CEP126: variants seen among roughly 807,000 people sequenced by gnomAD.
CEP126 encodes the protein centrosomal protein 126.
CEP126 carries 74 observed loss-of-function variants against 107.8 expected under a neutral mutation model. The observed-to-expected ratio is 0.69, with a 90% CI of 0.57 to 0.83. The LOEUF (loss-of-function observed/expected upper bound fraction) is 0.83. CEP126 is among the 40% of genes least tolerant of loss of function. CEP126 has a pLI of 0.00. For missense variants in CEP126, 1,237 were observed against 1,281.9 expected (o/e 0.96, Z 0.53); for synonymous variants, 449 against 446.0 (o/e 1.01, Z -0.08).
At position 101,987,030 on chromosome 11, in the gene CEP126, A is replaced by T; in HGVS notation, c.3233A>T (p.Glu1078Val). 2 of 1,590,306 alleles carry T rather than the reference A, an allele frequency of 1.3e-6. No homozygotes were observed. The highest frequency in any genetic ancestry group is 1.7e-6 in the Non-Finnish European group (2 of 1,159,078). The stretch of plus-strand genomic sequence containing the variant: ...CTAGAGTCCCTTAATGATCTCAGTG[A>T]AAGACTACATTGTAAGTATGGAAGA... The part of the protein sequence containing the change: ...KILESLNDLS[E>V]RLHYIQESIC... The change falls in exon 9 of 11, where the codon GAA (glutamate) becomes GTA (valine). Residue 1078 changes from glutamate (E) to valine (V), a missense_variant. Glu to Val is a moderately radical substitution (Grantham distance 121). Around this residue, in one of 3 missense-constraint regions of CEP126, gnomAD observed 99 missense variants for 114.4 expected, o/e 0.87. Coordinates refer to ENST00000263468, the MANE Select transcript of CEP126 (RefSeq NM_020802.4).
chr11:101,982,037 G>C, intron 8 of CEP126, 73 bp downstream of exon 8: 2 of 771,666 alleles, frequency 2.6e-6, no homozygotes, highest in Non-Finnish European at 4.4e-6. Context: ...CCTATTCTCA[G>C]ATGCTAACGT....
At chr11:101,919,910 C>G (rs967306772) in intron 1 of CEP126, among the ~76,000 whole-genome samples, 1 of 152,130 alleles carries the variant, frequency 6.6e-6, no homozygotes. Flanking sequence ...TCTTTACTGC[C>G]GAGTTGTCAC....
Position 102,000,707 on chromosome 11 carries a change from AAGAG to A in CEP126, c.*3070_*3073del, listed in dbSNP as rs1368057308. 1.3e-5 allele frequency: 2 copies of A among 152,138 alleles called. No individual in the cohort carries two copies. The highest frequency in any genetic ancestry group is 2.1e-4 in the South Asian group (1 of 4,824). 9.4% of individuals were successfully genotyped at this position (152,138 alleles called of 1,614,324 possible). A position where few individuals can be genotyped will look rare whatever the true frequency, so the allele number is the denominator to read the frequency against. ...ACTCTGTCTTAAAAGAAAAAAAAAA[AAGAG>A]AGAGATAGTAATCTCTTGGGCAAAA... On this transcript the variant is annotated 3_prime_UTR_variant, in exon 11 of 11. Coordinates refer to ENST00000263468, the MANE Select transcript of CEP126 (RefSeq NM_020802.4).
rs1345500623 is a variant in CEP126, at chr11:101,962,737, G to A, written c.1702G>A (p.Glu568Lys). Residue 568 changes from glutamate (E) to lysine (K), a missense_variant, in exon 6 of 11, where the codon GAG becomes AAG. Around this residue, in one of 3 missense-constraint regions of CEP126, gnomAD observed 1,134 missense variants for 1,150.5 expected, o/e 0.99. Coordinates refer to ENST00000263468, the MANE Select transcript of CEP126 (RefSeq NM_020802.4). Reference protein sequence around the residue: ...QHKKMKYNIHERNGVRFLKSI... With the variant: ...QHKKMKYNIHKRNGVRFLKSI... ...TAAGAAAATGAAATACAACATCCATGAGAGAAATGGTGTGAGATTTCTTAA... is the reference window on the plus strand; with the variant it reads ...TAAGAAAATGAAATACAACATCCATAAGAGAAATGGTGTGAGATTTCTTAA... 1 of 1,611,972 alleles carries A rather than the reference G, an allele frequency of 6.2e-7. No individual in the cohort carries two copies. Among genetic ancestry groups the A allele is most frequent in the Admixed American group, 1.7e-5 (1 of 59,710 alleles).
chr11:101,959,330 A>G (rs1940943336), intron 5 of CEP126, among the ~76,000 whole-genome samples: 1 of 151,716 alleles, frequency 6.6e-6, no homozygotes, highest in African/African-American at 2.4e-5. Context: ...TAATTTTTGT[A>G]CTTTTAGTAG....
In CEP126 at chr11:101,962,528, A is replaced by T; in HGVS notation, c.1493A>T (p.Lys498Ile). 6.2e-7 allele frequency: 1 copy of T among 1,613,006 alleles called. No individual in the cohort carries two copies. The highest frequency in any genetic ancestry group is 8.5e-7 in the Non-Finnish European group (1 of 1,179,556). Residue 498 changes from lysine to isoleucine, a missense_variant, in exon 6 of 11, where the codon AAA becomes ATA. Lys to Ile is a moderately radical substitution (Grantham distance 102). Transcript: ENST00000263468. ...VQCSDKLDEL[K>I]DGKEEEIKYF... ...TGTTCTGATAAGTTAGATGAATTGAAAGATGGTAAAGAAGAAGAGATAAAA... is the reference window on the plus strand; with the variant it reads ...TGTTCTGATAAGTTAGATGAATTGATAGATGGTAAAGAAGAAGAGATAAAA...
At chr11:101,991,122 AG>A (rs1307212692) in intron 9 of CEP126, among the ~76,000 whole-genome samples, 1 of 152,150 alleles carries the variant, frequency 6.6e-6, no homozygotes, top group Non-Finnish European at 1.5e-5. Context: ...GGCTGCAATG[AG>A]CCATGATCAT....
intron 2 of CEP126, among the ~76,000 whole-genome samples, chr11:101,923,260 T>C (rs1349386744): frequency 6.6e-6 from 1 of 152,128 alleles, no homozygotes; most frequent in Non-Finnish European, 1.5e-5. Flanking sequence ...GCAATATGAA[T>C]AACAGTAGAA....
rs143125936 is a variant in CEP126, at chr11:101,980,993, A to T, written c.2959-896A>T. Among the ~76,000 whole-genome samples the T allele has an allele frequency of 4.4e-3, 674 of 152,340 alleles. 5 individuals are homozygous for T. Among genetic ancestry groups the T allele is most frequent in the African/African-American group, 0.016 (651 of 41,578 alleles). ...TCTGACAGAAAACAATTATTTCTTAAAGTGAAACAGAATGGTAATAAAGAA... is the reference window on the plus strand; with the variant it reads ...TCTGACAGAAAACAATTATTTCTTATAGTGAAACAGAATGGTAATAAAGAA... On this transcript the variant is annotated intron_variant, in intron 7 of 10. Transcript: ENST00000263468.
chr11:101,991,245 A>ACTACACACAC (rs1166660073), intron 9 of CEP126, among the ~76,000 whole-genome samples: 1 of 152,052 alleles, frequency 6.6e-6, no homozygotes, highest in Non-Finnish European at 1.5e-5. Context: ...ACACATACAC[A>ACTACACACAC]CTACACACAC....
intron 1 of CEP126, among the ~76,000 whole-genome samples, chr11:101,920,497 A>G (rs1042436120): frequency 2.2e-5 from 3 of 135,192 alleles, no homozygotes; most frequent in Non-Finnish European, 4.8e-5. Context: ...TGTTTGTTCT[A>G]AAAAAGACAA....
rs982478360 is a variant in CEP126 at position 101,998,856 on chromosome 11, G to T, written c.*1213G>T. ...TTTAGAGATGAGAAACTGAGCCAAG[G>T]CCACATAGCTACCTACAGTGACAGA... is the stretch of plus-strand genomic sequence containing the variant. On this transcript the variant is annotated 3_prime_UTR_variant, in exon 11 of 11. Coordinates refer to ENST00000263468, the MANE Select transcript of CEP126 (RefSeq NM_020802.4). 6.6e-6 allele frequency: 1 copy of T among 152,014 alleles called. No homozygotes were observed. 9.4% of individuals were successfully genotyped at this position (152,014 alleles called of 1,614,324 possible). A position where few individuals can be genotyped will look rare whatever the true frequency, so the allele number is the denominator to read the frequency against.
At chr11:101,955,427 G>C (rs765232558) in intron 4 of CEP126, among the ~76,000 whole-genome samples, 3 of 152,096 alleles carry the variant, frequency 2.0e-5, no homozygotes, top group Non-Finnish European at 4.4e-5. Flanking sequence ...CCTGAACTAC[G>C]TGCTACACTG....
intron 1 of CEP126, among the ~76,000 whole-genome samples, chr11:101,918,548 T>A (rs1166746178): frequency 6.6e-6 from 1 of 152,206 alleles, no homozygotes; most frequent in Non-Finnish European, 1.5e-5. Context: ...CATGAGATTT[T>A]GAAACTTAGG....
intron 6 of CEP126, among the ~76,000 whole-genome samples, chr11:101,973,362 T>C (rs1055219675): frequency 1.3e-5 from 2 of 152,200 alleles, no homozygotes; most frequent in Non-Finnish European, 2.9e-5. Flanking sequence ...TCATGTCCTT[T>C]GCAAGGACAT....
At chr11:101,971,805 G>T (rs780836402) in intron 6 of CEP126, among the ~76,000 whole-genome samples, 4 of 152,142 alleles carry the variant, frequency 2.6e-5, no homozygotes, top group African/African-American at 4.8e-5. Flanking sequence ...CTCACTTTTA[G>T]AAATAGAAAA....
intron 1 of CEP126, among the ~76,000 whole-genome samples, chr11:101,921,159 G>T (rs562924720): frequency 2.0e-5 from 3 of 152,110 alleles, no homozygotes; most frequent in Admixed American, 2.0e-4. Flanking sequence ...ATACACAGAT[G>T]ACTATACATA....
chr11:101,983,278 T>C (rs1218844875), intron 8 of CEP126, among the ~76,000 whole-genome samples: 1 of 152,144 alleles, frequency 6.6e-6, no homozygotes, highest in African/African-American at 2.4e-5. Context: ...GTAAAATGTC[T>C]TATAGAAAAG....
At chr11:101,938,659 C>A (rs893217843) in intron 2 of CEP126, among the ~76,000 whole-genome samples, 32 of 151,880 alleles carry the variant, frequency 2.1e-4, no homozygotes, top group African/African-American at 6.0e-4. Context: ...CCATCCTGGG[C>A]AACAAATCAA....
Sources: allele counts gnomAD v4.1 joint callset (sites outside exome capture counted in the v4.1 genomes callset), GRCh38; gene constraint gnomAD v4.1.1; regional missense constraint gnomAD v4.1.1; transcripts MANE v1.5; gene names NCBI Gene and HGNC (gene_info 2026-07-23, HGNC 2026-07-21).